Variants in CACNG4 observed in about 807,000 individuals in gnomAD.
CACNG4 encodes voltage-dependent calcium channel gamma-4 subunit.
A neutral mutation model predicts 22.9 loss-of-function variants in CACNG4; 8 were observed. The observed-to-expected ratio is 0.35, with a 90% CI of 0.21 to 0.63. The LOEUF (loss-of-function observed/expected upper bound fraction) is 0.63. Among genes scored for constraint, CACNG4 ranks in the 30% least tolerant of loss-of-function variants. The pLI is 0.72. For missense variants in CACNG4, 357 were observed against 455.4 expected (o/e 0.78, Z 1.97); for synonymous variants, 188 against 191.9 (o/e 0.98, Z 0.17).
intron 2 of CACNG4, among the ~76,000 whole-genome samples, chr17:67,021,073 T>C (rs1270735604): frequency 6.6e-6 from 1 of 152,168 alleles, no homozygotes; most frequent in Non-Finnish European, 1.5e-5. Context: ...TGATGGCACA[T>C]GCCTCCAGTC....
chr17:67,022,093 T>TTA (rs2035535615), intron 2 of CACNG4, among the ~76,000 whole-genome samples: 1 of 151,344 alleles, frequency 6.6e-6, no homozygotes, highest in South Asian at 2.1e-4. Context: ...TTTTTTTTTT[T>TTA]AAGACGGAGT....
intron 1 of CACNG4, among the ~76,000 whole-genome samples, chr17:66,998,970 G>T (rs2035391233): frequency 6.6e-6 from 1 of 152,182 alleles, no homozygotes; most frequent in South Asian, 2.1e-4. Context: ...TTGCCAGCTG[G>T]TGCCTGCTTG....
intron 2 of CACNG4, among the ~76,000 whole-genome samples, chr17:67,021,469 C>T (rs1422414949): frequency 2.0e-5 from 3 of 152,240 alleles, no homozygotes; most frequent in Non-Finnish European, 4.4e-5. Context: ...AACTCCGCCC[C>T]GAGCCATGCT....
intron 1 of CACNG4, among the ~76,000 whole-genome samples, chr17:66,987,330 G>C (rs2035310932): frequency 6.6e-6 from 1 of 152,282 alleles, no homozygotes; most frequent in South Asian, 2.1e-4. Flanking sequence ...CTACACAATA[G>C]AGTCAACATA....
At chr17:66,981,732 A>C (rs1299758429) in intron 1 of CACNG4, among the ~76,000 whole-genome samples, 1 of 152,230 alleles carries the variant, frequency 6.6e-6, no homozygotes, top group African/African-American at 2.4e-5. Flanking sequence ...TTTAGAGTCC[A>C]GAATTATGAA....
intron 1 of CACNG4, among the ~76,000 whole-genome samples, chr17:67,014,943 C>CAAAAAAAA (rs1163062678): frequency 2.1e-5 from 2 of 95,290 alleles, no homozygotes; most frequent in African/African-American, 3.0e-5. Context: ...TCTCCAAAAA[C>CAAAAAAAA]AAAAAAAAAA....
chr17:66,978,879 G>C (rs577163259), intron 1 of CACNG4, among the ~76,000 whole-genome samples: 78 of 152,362 alleles, frequency 5.1e-4, no homozygotes, highest in African/African-American at 1.8e-3. Context: ...CGTGAGTGGA[G>C]GCCAGATGCC....
At position 67,030,375 on chromosome 17, in the gene CACNG4, C is replaced by T; in HGVS notation, c.446-91C>T. On this transcript the variant is annotated intron_variant, in intron 3 of 3. Coordinates refer to ENST00000262138, the MANE Select transcript of CACNG4 (RefSeq NM_014405.4). This position sits in a 1 kb window ranked among gnomAD's most constrained non-coding sequence, Gnocchi z 6.4. Reference sequence around the variant, plus strand: ...TACTCATCAGAGAGGGGAGTGTCCACCTGTTCCCTACACTGCCCGTCCCAC... The same window carrying T: ...TACTCATCAGAGAGGGGAGTGTCCATCTGTTCCCTACACTGCCCGTCCCAC... The T allele has an allele frequency of 9.3e-7, 1 of 1,079,086 alleles. No homozygotes were observed. Among genetic ancestry groups the T allele is most frequent in the Admixed American group, 2.1e-5 (1 of 47,066 alleles). The allele number at this position is 1,079,086 out of a possible 1,614,324, so 66.8% of individuals were successfully genotyped here. A position where few individuals can be genotyped will look rare whatever the true frequency, so the allele number is the denominator to read the frequency against.
Position 66,992,163 on chromosome 17 carries a change from G to C in CACNG4, c.221-26026G>C, listed in dbSNP as rs368283631. Reference sequence around the variant, plus strand: ...CCTGGTTGCTCCGCCAAGCTCCTGGGGGGGGGGGGCTGTGATGCCTCCTTT... The same window carrying C: ...CCTGGTTGCTCCGCCAAGCTCCTGGCGGGGGGGGGCTGTGATGCCTCCTTT... On this transcript the variant is annotated intron_variant, in intron 1 of 3. Coordinates refer to ENST00000262138, the MANE Select transcript of CACNG4 (RefSeq NM_014405.4). Among the ~76,000 whole-genome samples the C allele has an allele frequency of 3.7e-3, 497 of 135,026 alleles. 6 individuals are homozygous for C. Among genetic ancestry groups the C allele is most frequent in the South Asian group, 0.019 (87 of 4,654 alleles). 88.6% of individuals were successfully genotyped at this position (135,026 alleles called of 152,430 possible).
chr17:67,020,186 G>C (rs2035523574), intron 2 of CACNG4: 1 of 152,426 alleles, frequency 6.6e-6, no homozygotes, highest in Non-Finnish European at 1.5e-5. Context: ...CTCCCTCGCC[G>C]AGACCCTTCT....
At chr17:67,026,301 AGT>A (rs2035565806) in intron 3 of CACNG4, among the ~76,000 whole-genome samples, 1 of 140,994 alleles carries the variant, frequency 7.1e-6, no homozygotes, top group Non-Finnish European at 1.5e-5. Flanking sequence ...GCGTGTTAAG[AGT>A]GTGGTGTGTG....
intron 1 of CACNG4, among the ~76,000 whole-genome samples, chr17:67,002,505 GCATGTGTGCT>G (rs1463597505): frequency 6.6e-6 from 1 of 152,224 alleles, no homozygotes; most frequent in Non-Finnish European, 1.5e-5. Context: ...CTCCAGAAAT[GCATGTGTGCT>G]CCCTCATCCT....
intron 1 of CACNG4, among the ~76,000 whole-genome samples, chr17:66,975,741 G>A (rs1012059165): frequency 2.6e-5 from 4 of 152,170 alleles, no homozygotes; most frequent in Admixed American, 1.3e-4. Context: ...TGGAGGCCAC[G>A]GTGTTATTTC....
intron 1 of CACNG4, among the ~76,000 whole-genome samples, chr17:67,012,568 G>A (rs190007281): frequency 1.3e-5 from 2 of 152,230 alleles, no homozygotes; most frequent in East Asian, 3.9e-4. Context: ...GCCCACCAAG[G>A]GACAGCGTTT....
intron 1 of CACNG4, among the ~76,000 whole-genome samples, chr17:66,999,573 G>A (rs181843119): frequency 1.3e-5 from 2 of 152,284 alleles, no homozygotes; most frequent in East Asian, 1.9e-4. Context: ...AGGAGACAGC[G>A]AGCGAAGAGG....
rs2035296314 is a variant in CACNG4 at position 66,984,867 on chromosome 17, C to T, written c.220+19736C>T. On this transcript the variant is annotated intron_variant, in intron 1 of 3. Transcript: ENST00000262138. This position sits in a 1 kb window ranked among gnomAD's most constrained non-coding sequence, Gnocchi z 4.0. ...GAGCCTGAGCCTGCCTCAGGGTCCCCAGGGTTACCAGGCTGGGAGTCTGTG... is the reference window on the plus strand; with the variant it reads ...GAGCCTGAGCCTGCCTCAGGGTCCCTAGGGTTACCAGGCTGGGAGTCTGTG... Among the ~76,000 whole-genome samples, 1 of 152,144 alleles carries T rather than the reference C, an allele frequency of 6.6e-6. No homozygotes were observed. Among genetic ancestry groups the T allele is most frequent in the Admixed American group, 6.5e-5 (1 of 15,282 alleles).
At chr17:66,990,184 T>A (rs1166126573) in intron 1 of CACNG4, among the ~76,000 whole-genome samples, 1 of 152,212 alleles carries the variant, frequency 6.6e-6, no homozygotes, top group African/African-American at 2.4e-5. Flanking sequence ...CACTGGTTGT[T>A]GGCAGAATTG....
chr17:66,997,552 C>G (rs1355902168), intron 1 of CACNG4, among the ~76,000 whole-genome samples: 1 of 152,204 alleles, frequency 6.6e-6, no homozygotes, highest in Non-Finnish European at 1.5e-5. Context: ...TGTAGTGGCT[C>G]ATACCTATAA....
rs934030383 is a variant in CACNG4, at chr17:67,031,998, A to G, written c.*994A>G. The G allele has an allele frequency of 1.8e-5, 8 of 456,360 alleles. No homozygotes were observed. The highest frequency in any genetic ancestry group is 3.5e-5 in the Non-Finnish European group (8 of 226,890). The allele number at this position is 456,360 out of a possible 1,614,324, so 28.3% of individuals were successfully genotyped here. A position where few individuals can be genotyped will look rare whatever the true frequency, so the allele number is the denominator to read the frequency against. On this transcript the variant is annotated 3_prime_UTR_variant, in exon 4 of 4. Transcript: ENST00000262138. This position sits in a 1 kb window ranked among gnomAD's most constrained non-coding sequence, Gnocchi z 4.0. Reference sequence around the variant, plus strand: ...GGCCAATAAAAACCCTAGAGAACAAACATCCATTTCCTAGGTGGTTACAAA... The same window carrying G: ...GGCCAATAAAAACCCTAGAGAACAAGCATCCATTTCCTAGGTGGTTACAAA...
Sources: gnomAD v4.1 joint callset for allele counts (sites outside exome capture counted in the v4.1 genomes callset) on GRCh38, gnomAD v4.1.1 for gene constraint, Gnocchi (gnomAD v3.1) non-coding constraint, MANE v1.5 for transcripts, NCBI Gene and HGNC (gene_info 2026-07-23, HGNC 2026-07-21) for gene names.